CNKSR3: variants seen among roughly 807,000 people sequenced by gnomAD.
CNKSR3 encodes the protein connector enhancer of kinase suppressor of ras 3.
In CNKSR3, 36 loss-of-function variants were observed where a neutral mutation model predicts 67.7. That is an observed-to-expected ratio of 0.53 (90% CI 0.41 to 0.70). CNKSR3 has a LOEUF of 0.70. Among genes scored for constraint, CNKSR3 ranks in the 30% least tolerant of loss-of-function variants. The probability of loss-of-function intolerance (pLI) is 0.00; values close to 1 mark genes in which losing one functional copy is unlikely to be tolerated. For missense variants in CNKSR3, 630 were observed against 695.2 expected, an observed-to-expected ratio of 0.91 and a Z score of 1.05; for synonymous variants, 281 against 271.4, an observed-to-expected ratio of 1.04 and a Z score of -0.35.
At chr6:154,495,407 C>T (rs1786857797) in intron 1 of CNKSR3, among the ~76,000 whole-genome samples, 1 of 147,050 alleles carries the variant, frequency 6.8e-6, no homozygotes, top group African/African-American at 2.5e-5. Flanking sequence ...GCTTTTCTGT[C>T]ACCCAAACTG....
chr6:154,411,621 G>A (rs1219245243), intron 10 of CNKSR3, among the ~76,000 whole-genome samples: 12 of 130,864 alleles, frequency 9.2e-5, no homozygotes, highest in East Asian at 4.5e-4. Flanking sequence ...GCAATGGAGC[G>A]AGACTCCATC....
At chr6:154,502,109 G>A (rs1469109536) in intron 1 of CNKSR3, among the ~76,000 whole-genome samples, 5 of 151,752 alleles carry the variant, frequency 3.3e-5, no homozygotes, top group East Asian at 1.9e-4. Flanking sequence ...TACGCCATAC[G>A]TTATGCAAGG....
At chr6:154,508,109 C>G (rs1000889257) in intron 1 of CNKSR3, among the ~76,000 whole-genome samples, 12 of 152,150 alleles carry the variant, frequency 7.9e-5, no homozygotes, top group African/African-American at 2.9e-4. Flanking sequence ...AGATGTAACC[C>G]TTTCTTTCTG....
intron 1 of CNKSR3, among the ~76,000 whole-genome samples, chr6:154,453,833 A>T (rs902720298): frequency 6.6e-6 from 1 of 152,178 alleles, no homozygotes; most frequent in African/African-American, 2.4e-5. Context: ...TGTCAGATGG[A>T]TCTATCTGCC....
chr6:154,452,394 A>G (rs4311525), intron 1 of CNKSR3, among the ~76,000 whole-genome samples: 103,734 of 152,084 alleles, frequency 0.68, 35,750 homozygotes, highest in East Asian at 0.9. Context: ...AATCTTAGAG[A>G]CACTTAAAAG....
rs1784904266 is a variant in CNKSR3, at chr6:154,411,153, A to C, written c.1071-11T>G. ...CTGCCATTCTCATCCCTGGAAGATAATATGGACAATAATTAAGTTGTTTAC... is the reference window on the plus strand; with the variant it reads ...CTGCCATTCTCATCCCTGGAAGATACTATGGACAATAATTAAGTTGTTTAC... On this transcript the variant is annotated splice_polypyrimidine_tract_variant and intron_variant, in intron 10 of 12. Coordinates refer to ENST00000607772, the MANE Select transcript of CNKSR3 (RefSeq NM_173515.4). 5 of 1,580,558 alleles carry C rather than the reference A, an allele frequency of 3.2e-6. No individual in the cohort carries two copies. Among genetic ancestry groups the C allele is most frequent in the Non-Finnish European group, 4.3e-6 (5 of 1,151,200 alleles).
chr6:154,499,468 TC>T (rs953894134), intron 1 of CNKSR3, among the ~76,000 whole-genome samples: 1 of 152,196 alleles, frequency 6.6e-6, no homozygotes, highest in Non-Finnish European at 1.5e-5. Context: ...ATGTCTATGT[TC>T]CCAGGTGAGG....
At chr6:154,420,219 G>A (rs1160304905) in intron 9 of CNKSR3, among the ~76,000 whole-genome samples, 3 of 107,462 alleles carry the variant, frequency 2.8e-5, no homozygotes, top group Non-Finnish European at 5.7e-5. Context: ...ACTTATATGT[G>A]GAATCTAAAA....
At chr6:154,445,531 A>C (rs1378183842) in intron 2 of CNKSR3, among the ~76,000 whole-genome samples, 2 of 152,254 alleles carry the variant, frequency 1.3e-5, no homozygotes, top group Admixed American at 6.5e-5. Context: ...GTTTTGAACT[A>C]AAAGCAGGAA....
chr6:154,401,040 G>A lies in CNKSR3; in HGVS notation c.*5314C>T, dbSNP rs1015168006. 3.3e-5 allele frequency: 5 copies of A among 152,132 alleles called. No individual in the cohort carries two copies. Among genetic ancestry groups the A allele is most frequent in the Admixed American group, 6.5e-5 (1 of 15,282 alleles). The allele number at this position is 152,132 out of a possible 1,614,324, so 9.4% of individuals were successfully genotyped here. On this transcript the variant is annotated 3_prime_UTR_variant, in exon 13 of 13. Transcript: ENST00000607772. ...TAATACATCATGCAAAATTTTCCACGTATTGGAAGAAACATCAGAAATCAG... is the reference window on the plus strand; with the variant it reads ...TAATACATCATGCAAAATTTTCCACATATTGGAAGAAACATCAGAAATCAG...
At position 154,405,199 on chromosome 6, in the gene CNKSR3, C is replaced by G. The variant is rs958840673; in HGVS notation, c.*1155G>C. The G allele has an allele frequency of 1.3e-5, 2 of 152,596 alleles. No individual in the cohort carries two copies. Among genetic ancestry groups the G allele is most frequent in the Non-Finnish European group, 2.9e-5 (2 of 68,034 alleles). 9.5% of individuals were successfully genotyped at this position (152,596 alleles called of 1,614,324 possible). On this transcript the variant is annotated 3_prime_UTR_variant, in exon 13 of 13. Coordinates refer to ENST00000607772, the MANE Select transcript of CNKSR3 (RefSeq NM_173515.4). ...TTTAACAATACTGCCCTGCTGGCAA[C>G]AGCCACGATAGTCACTTGCTCATCT...
At chr6:154,506,794 G>A (rs540452936) in intron 1 of CNKSR3, among the ~76,000 whole-genome samples, 66 of 152,190 alleles carry the variant, frequency 4.3e-4, no homozygotes, top group Non-Finnish European at 8.4e-4. Context: ...CATGAACTAG[G>A]AATTAATTTG....
chr6:154,495,515 T>C (rs546231054), intron 1 of CNKSR3, among the ~76,000 whole-genome samples: 3 of 151,808 alleles, frequency 2.0e-5, no homozygotes, highest in African/African-American at 7.3e-5. Context: ...ACTATAGGTG[T>C]GCACAACCAC....
chr6:154,484,695 CAAAAAAAAA>C (rs1166789172), intron 1 of CNKSR3, among the ~76,000 whole-genome samples: 1 of 65,522 alleles, frequency 1.5e-5, no homozygotes, highest in Non-Finnish European at 3.4e-5. Context: ...GAGCAAGACT[CAAAAAAAAA>C]AAAAAAAAAA....
chr6:154,441,985 T>C (rs1785599979), intron 3 of CNKSR3, 103 bp downstream of exon 3: 11 of 1,100,082 alleles, frequency 1.0e-5, no homozygotes, highest in East Asian at 2.6e-5. Flanking sequence ...AAAAATGATA[T>C]GAAAAGAACA....
intron 5 of CNKSR3, among the ~76,000 whole-genome samples, chr6:154,431,938 T>G (rs1200443300): frequency 6.6e-6 from 1 of 152,238 alleles, no homozygotes; most frequent in East Asian, 1.9e-4. Context: ...GCTTCCAACT[T>G]TTTTGGCAAT....
intron 1 of CNKSR3, among the ~76,000 whole-genome samples, chr6:154,464,716 G>GA (rs112469215): frequency 2.8e-4 from 37 of 134,048 alleles, no homozygotes; most frequent in Middle Eastern, 3.8e-3. Context: ...CTCTGTCTCA[G>GA]AAAAAAAAAA....
At chr6:154,419,521 A>G (rs9384215) in intron 9 of CNKSR3, among the ~76,000 whole-genome samples, 27,417 of 152,164 alleles carry the variant, frequency 0.18, 2,646 homozygotes, top group East Asian at 0.26. Flanking sequence ...AGGATGTGGA[A>G]ATGTAGAAAT....
chr6:154,506,549 G>A (rs551405134), intron 1 of CNKSR3, among the ~76,000 whole-genome samples: 1 of 152,156 alleles, frequency 6.6e-6, no homozygotes, highest in East Asian at 1.9e-4. Flanking sequence ...CCTGGAATAG[G>A]AAGACAATCA....
Sources: allele counts gnomAD v4.1 joint callset (sites outside exome capture counted in the v4.1 genomes callset), GRCh38; gene constraint gnomAD v4.1.1; transcripts MANE v1.5; gene names NCBI Gene and HGNC (gene_info 2026-07-23, HGNC 2026-07-21).